SUGT1: variants seen among roughly 807,000 people sequenced by gnomAD.
SUGT1 encodes the protein protein SGT1 homolog.
Under a neutral mutation model 56.1 loss-of-function variants are expected in SUGT1, and 15 were observed. The ratio of observed to expected loss-of-function variants is 0.27; its 90% CI spans 0.18 to 0.41. The LOEUF is 0.41. Among genes scored for constraint, SUGT1 ranks in the 10% least tolerant of loss-of-function variants. SUGT1 has a pLI of 1.00. For missense variants in SUGT1, 347 were observed against 382.2 expected, an observed-to-expected ratio of 0.91 and a Z score of 0.77; for synonymous variants, 123 against 128.6, an observed-to-expected ratio of 0.96 and a Z score of 0.30.
Position 52,652,858 on chromosome 13 carries a change from C to A in SUGT1, c.-63C>A, listed in dbSNP as rs1594223173. On this transcript the variant is annotated 5_prime_UTR_variant, in exon 1 of 13. Transcript: ENST00000310528. Reference sequence around the variant, plus strand: ...TTTCTCCAGAAGTTTCCCCCTTGGGCGGTGGTGGAGGTGGTAACCGTGATA... The same window carrying A: ...TTTCTCCAGAAGTTTCCCCCTTGGGAGGTGGTGGAGGTGGTAACCGTGATA... The A allele has an allele frequency of 1.3e-6, 2 of 1,583,638 alleles. No homozygotes were observed. The highest frequency in any genetic ancestry group is 2.3e-5 in the East Asian group (1 of 43,654).
At chr13:52,672,264 C>T (rs1962975096) in intron 10 of SUGT1, among the ~76,000 whole-genome samples, 1 of 152,158 alleles carries the variant, frequency 6.6e-6, no homozygotes, top group Non-Finnish European at 1.5e-5. Context: ...TCAGTCACTA[C>T]ACCTGACACA....
At chr13:52,662,550 C>CGT in intron 5 of SUGT1, 99 bp from the exon 6 acceptor site, 1 of 1,233,578 alleles carries the variant, frequency 8.1e-7, no homozygotes, top group Admixed American at 1.8e-5. Flanking sequence ...CTCCCCAGTG[C>CGT]CTAGAACACT....
rs765220996 is a variant in SUGT1 at position 52,674,053 on chromosome 13, C to CTTTTT, written c.628-2160_628-2156dup. Among the ~76,000 whole-genome samples, 92 of 107,948 alleles carry CTTTTT rather than the reference C, an allele frequency of 8.5e-4. 2 individuals are homozygous for CTTTTT. Among genetic ancestry groups the CTTTTT allele is most frequent in the South Asian group, 1.5e-3 (5 of 3,268 alleles). The allele number at this position is 107,948 out of a possible 152,430, so 70.8% of individuals were successfully genotyped here. On this transcript the variant is annotated intron_variant, in intron 10 of 12. Transcript: ENST00000310528. ...TGTAAATTACACCAAAGATAGTATA[C>CTTTTT]TTTTTTTTTTTTTTTTTTTTTGACA...
Position 52,659,197 on chromosome 13 carries a change from A to C in SUGT1, c.276A>C (p.Glu92Asp). Reference sequence around the variant, plus strand: ...CATGCAGAATATGTGAATACCATGAAAAAAACTATGCTGCTGCCCTAGAAA... The same window carrying C: ...CATGCAGAATATGTGAATACCATGACAAAAACTATGCTGCTGCCCTAGAAA... ...MLRKGICEYH[E>D]KNYAAALETF... The change falls in exon 5 of 13, where the codon GAA (glutamate) becomes GAC (aspartate). Residue 92 changes from glutamate to aspartate, a missense_variant. By Grantham distance (45) the Glu-to-Asp change is conservative (BLOSUM62 2). Transcript: ENST00000310528. 1 of 1,488,326 alleles carries C rather than the reference A, an allele frequency of 6.7e-7. No individual in the cohort carries two copies. Among genetic ancestry groups the C allele is most frequent in the Non-Finnish European group, 8.9e-7 (1 of 1,125,816 alleles). The allele number at this position is 1,488,326 out of a possible 1,614,324, so 92.2% of individuals were successfully genotyped here. A position where few individuals can be genotyped will look rare whatever the true frequency, so the allele number is the denominator to read the frequency against.
At chr13:52,686,495 G>A (rs1963594609) in intron 12 of SUGT1, among the ~76,000 whole-genome samples, 1 of 152,100 alleles carries the variant, frequency 6.6e-6, no homozygotes, top group Non-Finnish European at 1.5e-5. Context: ...CAGGAATAGA[G>A]AAATAAGAGG....
At chr13:52,672,248 C>T (rs908912408) in intron 10 of SUGT1, among the ~76,000 whole-genome samples, 1 of 152,134 alleles carries the variant, frequency 6.6e-6, no homozygotes, top group African/African-American at 2.4e-5. Flanking sequence ...TTTCCTGATA[C>T]ATAGGTCAGT....
At chr13:52,654,641 A>G (rs1329330649) in intron 2 of SUGT1, among the ~76,000 whole-genome samples, 1 of 152,180 alleles carries the variant, frequency 6.6e-6, no homozygotes, top group Admixed American at 6.5e-5. Context: ...CTCCATCACC[A>G]TCAGTTAGTT....
rs1405751179 is a variant in SUGT1, at chr13:52,695,044, G to T, written c.*7209G>T. On this transcript the variant is annotated 3_prime_UTR_variant, in exon 13 of 13. Transcript: ENST00000310528. ...CAATCTTATTATTCTTGCCCCAAAT[G>T]AATCAGTGTGGAGCATATACAAGTG... 1.3e-5 allele frequency: 2 copies of T among 152,200 alleles called. No individual in the cohort carries two copies. The highest frequency in any genetic ancestry group is 3.9e-4 in the East Asian group (2 of 5,192). The allele number at this position is 152,200 out of a possible 1,614,324, so 9.4% of individuals were successfully genotyped here.
rs1331680561 is a variant in SUGT1 at position 52,690,412 on chromosome 13, G to A, written c.*2577G>A. The A allele has an allele frequency of 5.8e-5, 8 of 136,880 alleles. No individual in the cohort carries two copies. In the East Asian group the frequency reaches 1.5e-3, roughly 26 times the overall value. The allele number at this position is 136,880 out of a possible 1,614,324, so 8.5% of individuals were successfully genotyped here. The stretch of plus-strand genomic sequence containing the variant: ...TTCATTTCTCAAATTTTGGTTCTCA[G>A]TGCTGTTAGTATTAGTAGCCTTTTG... On this transcript the variant is annotated 3_prime_UTR_variant, in exon 13 of 13. Transcript: ENST00000310528.
chr13:52,659,283 T>C (rs369956817), intron 5 of SUGT1, 34 bp downstream of exon 5: 62 of 1,289,860 alleles, frequency 4.8e-5, no homozygotes, highest in African/African-American at 4.0e-4. Flanking sequence ...AATAAACTTA[T>C]CTATTTCTGT....
chr13:52,657,584 A>G lies in SUGT1; in HGVS notation c.149A>G (p.Gln50Arg), dbSNP rs763316212. 1 of 1,613,716 alleles carries G rather than the reference A, an allele frequency of 6.2e-7. No individual in the cohort carries two copies. The highest frequency in any genetic ancestry group is 8.5e-7 in the Non-Finnish European group (1 of 1,179,754). The change falls in exon 3 of 13, where the codon CAA becomes CGA. Residue 50 changes from glutamine (Q) to arginine (R), a missense_variant. Physicochemically the swap from Gln to Arg is conservative, Grantham distance 43. Coordinates refer to ENST00000310528, the MANE Select transcript of SUGT1 (RefSeq NM_006704.5). ...QKPDDAQYYCQRAYCHILLGN... is the reference protein window; with the variant it reads ...QKPDDAQYYCRRAYCHILLGN... ...CCAGATGATGCACAGTATTATTGTC[A>G]AAGAGCTTATTGTCACATTCTTCTT...
Position 52,692,151 on chromosome 13 carries a change from A to ACC in SUGT1, c.*4316_*4317insCC, listed in dbSNP as rs1206966851. The ACC allele has an allele frequency of 6.6e-6, 1 of 152,134 alleles. No individual in the cohort carries two copies. The highest frequency in any genetic ancestry group is 2.4e-5 in the African/African-American group (1 of 41,422). The allele number at this position is 152,134 out of a possible 1,614,324, so 9.4% of individuals were successfully genotyped here. On this transcript the variant is annotated 3_prime_UTR_variant, in exon 13 of 13. Transcript: ENST00000310528. ...ATTGGGTGGCATTATCTCATTTTTA[A>ACC]TCGCCCTTCAATAGCATCCCATTAT...
At chr13:52,662,768 T>C (rs892729469) in intron 6 of SUGT1, 66 bp downstream of exon 6, 15 of 1,506,824 alleles carry the variant, frequency 1.0e-5, no homozygotes, top group African/African-American at 9.8e-5. Flanking sequence ...ATTTTTTTGG[T>C]TTAAACAAAT....
intron 12 of SUGT1, among the ~76,000 whole-genome samples, chr13:52,682,290 C>T (rs1186998135): frequency 6.6e-6 from 1 of 152,148 alleles, no homozygotes; most frequent in African/African-American, 2.4e-5. Flanking sequence ...CCTCAAAGTC[C>T]TGGGCTCAAG....
In SUGT1 at chr13:52,652,917, A is replaced by T. The variant is rs201070723; in HGVS notation, c.-4A>T. ...TCCGGCGGCAGCAACAGCGACTACGAGGGATGGCGGCGGCTGCAGCAGGAA... is the reference window on the plus strand; with the variant it reads ...TCCGGCGGCAGCAACAGCGACTACGTGGGATGGCGGCGGCTGCAGCAGGAA... On this transcript the variant is annotated 5_prime_UTR_variant, in exon 1 of 13. Coordinates refer to ENST00000310528, the MANE Select transcript of SUGT1 (RefSeq NM_006704.5). 1,905 of 1,613,934 alleles carry T rather than the reference A, an allele frequency of 1.2e-3. 4 individuals carry two copies. Among genetic ancestry groups the T allele is most frequent in the Middle Eastern group, 3.0e-3 (18 of 6,062 alleles).
At chr13:52,670,516 G>C (rs1247642252) in intron 10 of SUGT1, among the ~76,000 whole-genome samples, 1 of 152,078 alleles carries the variant, frequency 6.6e-6, no homozygotes, top group Non-Finnish European at 1.5e-5. Flanking sequence ...TTAAGATTTA[G>C]AATTCACAAG....
intron 12 of SUGT1, among the ~76,000 whole-genome samples, chr13:52,680,826 G>C (rs1438622949): frequency 6.6e-6 from 1 of 152,122 alleles, no homozygotes. Context: ...GTGGTAATTG[G>C]TCATGATTGT....
At chr13:52,662,543 C>T in intron 5 of SUGT1, 106 bp from the exon 6 acceptor site, 4 of 1,091,284 alleles carry the variant, frequency 3.7e-6, no homozygotes, top group Admixed American at 2.0e-5. Flanking sequence ...CTGCCGACTC[C>T]CCAGTGCCTA....
At position 52,691,483 on chromosome 13, in the gene SUGT1, A is replaced by G. The variant is rs1373604662; in HGVS notation, c.*3648A>G. ...TGAGATATATCACTGACCCAGAGCA[A>G]AATTGCATATTAGTTTACCATCTAA... On this transcript the variant is annotated 3_prime_UTR_variant, in exon 13 of 13. Coordinates refer to ENST00000310528, the MANE Select transcript of SUGT1 (RefSeq NM_006704.5). 2.0e-5 allele frequency: 3 copies of G among 152,218 alleles called. No individual in the cohort carries two copies. The highest frequency in any genetic ancestry group is 4.4e-5 in the Non-Finnish European group (3 of 68,032). The allele number at this position is 152,218 out of a possible 1,614,324, so 9.4% of individuals were successfully genotyped here. A position where few individuals can be genotyped will look rare whatever the true frequency, so the allele number is the denominator to read the frequency against.
Sources: allele counts gnomAD v4.1 joint callset (sites outside exome capture counted in the v4.1 genomes callset), GRCh38; gene constraint gnomAD v4.1.1; transcripts MANE v1.5; gene names NCBI Gene and HGNC (gene_info 2026-07-23, HGNC 2026-07-21).